EMP2: variants seen among roughly 807,000 people sequenced by gnomAD.
EMP2 encodes the protein epithelial membrane protein 2.
A neutral mutation model predicts 13.7 loss-of-function variants in EMP2; 19 were observed. The ratio of observed to expected loss-of-function variants is 1.38; its 90% CI spans 0.97 to 2.03. The LOEUF is 2.03. EMP2 is among the 30% of genes most tolerant of loss of function. The probability of loss-of-function intolerance (pLI) is 0.00; values close to 1 mark genes in which losing one functional copy is unlikely to be tolerated. For missense variants in EMP2, 253 were observed against 220.7 expected, an observed-to-expected ratio of 1.15 and a Z score of -0.93; for synonymous variants, 97 against 84.7, an observed-to-expected ratio of 1.15 and a Z score of -0.80.
At position 10,531,989 on chromosome 16, in the gene EMP2, G is replaced by C. The variant is rs1320137855; in HGVS notation, c.*916C>G. ...CTAGATGTAGACAGCTGTGGCGATG[G>C]AGGCCAAGGTTTTGGCCTGCTGTGG... is the stretch of plus-strand genomic sequence containing the variant. On this transcript the variant is annotated 3_prime_UTR_variant, in exon 5 of 5. Coordinates refer to ENST00000359543, the MANE Select transcript of EMP2 (RefSeq NM_001424.6). 1 of 154,782 alleles carries C rather than the reference G, an allele frequency of 6.5e-6. No homozygotes were observed. Among genetic ancestry groups the C allele is most frequent in the Admixed American group, 6.5e-5 (1 of 15,286 alleles). The allele number at this position is 154,782 out of a possible 1,614,324, so 9.6% of individuals were successfully genotyped here.
intron 1 of EMP2, among the ~76,000 whole-genome samples, chr16:10,558,557 C>T (rs1007509385): frequency 2.6e-5 from 4 of 152,064 alleles, no homozygotes; most frequent in African/African-American, 7.2e-5. Flanking sequence ...TCTGGAGGCT[C>T]ACTGGCCCTC....
At chr16:10,576,053 C>T (rs568586791) in intron 1 of EMP2, among the ~76,000 whole-genome samples, 2 of 152,192 alleles carry the variant, frequency 1.3e-5, no homozygotes, top group African/African-American at 4.8e-5. Context: ...GACCACTGTG[C>T]TTATTAACTA....
At chr16:10,576,951 C>A (rs767924078) in intron 1 of EMP2, among the ~76,000 whole-genome samples, 7 of 152,208 alleles carry the variant, frequency 4.6e-5, no homozygotes, top group Non-Finnish European at 7.3e-5. Flanking sequence ...TGACCTACTG[C>A]CTGAGCGGAG....
chr16:10,535,174 C>T (rs1203614071), intron 4 of EMP2, among the ~76,000 whole-genome samples: 1 of 152,150 alleles, frequency 6.6e-6, no homozygotes, highest in East Asian at 1.9e-4. Flanking sequence ...CTAAAGATCC[C>T]TGCCTGATAC....
At position 10,532,776 on chromosome 16, in the gene EMP2, T is replaced by C. The variant is rs1338933180; in HGVS notation, c.*129A>G. ...CTTTTTTCTTTTTTTTTTTTTTTTT[T>C]TTTTTTTTTTGGCTTTTAAAGGAAA... On this transcript the variant is annotated 3_prime_UTR_variant, in exon 5 of 5. Transcript: ENST00000359543. 2.7e-4 allele frequency: 108 copies of C among 404,386 alleles called. 1 individual carries two copies. The highest frequency in any genetic ancestry group is 8.3e-4 in the East Asian group (15 of 17,982). The allele number at this position is 404,386 out of a possible 1,614,324, so 25.0% of individuals were successfully genotyped here. A position where few individuals can be genotyped will look rare whatever the true frequency, so the allele number is the denominator to read the frequency against.
intron 3 of EMP2, among the ~76,000 whole-genome samples, chr16:10,542,875 T>C (rs995920941): frequency 6.6e-6 from 1 of 152,230 alleles, no homozygotes; most frequent in African/African-American, 2.4e-5. Context: ...AGACAGGGTC[T>C]CACTCTGTCA....
chr16:10,543,421 C>G lies in EMP2; in HGVS notation c.169+149G>C, dbSNP rs145765954. The G allele has an allele frequency of 2.5e-5, 21 of 838,628 alleles. No individual in the cohort carries two copies. The African/African-American group carries it at 3.2e-4, about 13-fold the overall frequency. The allele number at this position is 838,628 out of a possible 1,614,324, so 51.9% of individuals were successfully genotyped here. A position where few individuals can be genotyped will look rare whatever the true frequency, so the allele number is the denominator to read the frequency against. On this transcript the variant is annotated intron_variant, in intron 3 of 4. Coordinates refer to ENST00000359543, the MANE Select transcript of EMP2 (RefSeq NM_001424.6). ...TCTCCAGCTTGTGCTGTCCTCCGCT[C>G]CAGCACACACTGAGCAAACGCGGCC...
intron 1 of EMP2, among the ~76,000 whole-genome samples, chr16:10,578,664 A>C (rs907794828): frequency 5.9e-5 from 9 of 152,308 alleles, no homozygotes; most frequent in African/African-American, 2.2e-4. Flanking sequence ...TTCCAACACA[A>C]ACACATTCTC....
chr16:10,547,435 T>C, intron 2 of EMP2, 105 bp downstream of exon 2: 1 of 1,208,768 alleles, frequency 8.3e-7, no homozygotes. Flanking sequence ...AATTACCTAG[T>C]CTCTGGTATG....
chr16:10,551,052 C>T lies in EMP2; in HGVS notation c.-60-3375G>A, dbSNP rs1596374794. Among the ~76,000 whole-genome samples, 5 of 152,168 alleles carry T rather than the reference C, an allele frequency of 3.3e-5. No homozygotes were observed. The South Asian group carries it at 1.0e-3, about 32-fold the overall frequency. ...CTATTAGTGTAAATGAGACACATTA[C>T]ATTCCCAATATTGTATATCCATCAC... is the stretch of plus-strand genomic sequence containing the variant. On this transcript the variant is annotated intron_variant, in intron 1 of 4. Transcript: ENST00000359543.
chr16:10,559,561 A>G (rs2050857459), intron 1 of EMP2, among the ~76,000 whole-genome samples: 1 of 152,206 alleles, frequency 6.6e-6, no homozygotes, highest in South Asian at 2.1e-4. Context: ...TTCAACAATA[A>G]TGATAGCCAA....
chr16:10,569,120 T>C (rs1270969614), intron 1 of EMP2, among the ~76,000 whole-genome samples: 1 of 151,930 alleles, frequency 6.6e-6, no homozygotes, highest in East Asian at 1.9e-4. Context: ...TACTCTTGGG[T>C]GAAACCAAGA....
At chr16:10,554,570 T>A (rs2050813436) in intron 1 of EMP2, among the ~76,000 whole-genome samples, 2 of 152,208 alleles carry the variant, frequency 1.3e-5, no homozygotes, top group African/African-American at 4.8e-5. Flanking sequence ...GTGTGTTGGA[T>A]GAAGACTGGT....
chr16:10,539,906 G>T (rs932733652), intron 3 of EMP2, among the ~76,000 whole-genome samples: 2 of 151,704 alleles, frequency 1.3e-5, no homozygotes, highest in Non-Finnish European at 1.5e-5. Flanking sequence ...GATCACCTGG[G>T]ATTGCTTATT....
chr16:10,547,417 T>G, intron 2 of EMP2, 123 bp downstream of exon 2: 1 of 1,072,826 alleles, frequency 9.3e-7, no homozygotes, highest in South Asian at 1.7e-5. Context: ...GACCTCATTT[T>G]CCTTATAAAT....
chr16:10,568,016 G>T (rs2050920594), intron 1 of EMP2, among the ~76,000 whole-genome samples: 1 of 152,216 alleles, frequency 6.6e-6, no homozygotes, highest in Non-Finnish European at 1.5e-5. Flanking sequence ...CCACCGTCTT[G>T]CCTCAGGAAG....
intron 3 of EMP2, among the ~76,000 whole-genome samples, chr16:10,540,978 C>T (rs1342477960): frequency 1.1e-4 from 16 of 152,002 alleles, no homozygotes; most frequent in Admixed American, 9.2e-4. Context: ...ATCCCAGCTA[C>T]TGGGGAGGCT....
At chr16:10,547,513 G>A (rs759489198) in intron 2 of EMP2, 27 bp downstream of exon 2, 23 of 1,613,142 alleles carry the variant, frequency 1.4e-5, no homozygotes, top group East Asian at 2.2e-5. Flanking sequence ...CCAGGTTTCT[G>A]CGTGAGTGGC....
At chr16:10,554,150 GCCTCCT>G (rs1285792272) in intron 1 of EMP2, among the ~76,000 whole-genome samples, 2 of 151,568 alleles carry the variant, frequency 1.3e-5, no homozygotes, top group Admixed American at 1.3e-4. Flanking sequence ...TCCTGCCTCA[GCCTCCT>G]GAGTAGCTGG....
Sources: gnomAD v4.1 joint callset for allele counts (sites outside exome capture counted in the v4.1 genomes callset) on GRCh38, gnomAD v4.1.1 for gene constraint, MANE v1.5 for transcripts, NCBI Gene and HGNC (gene_info 2026-07-23, HGNC 2026-07-21) for gene names.